ARHGAP36: variants seen among roughly 807,000 people sequenced by gnomAD.
ARHGAP36 encodes the protein rho GTPase-activating protein 36.
In ARHGAP36, 7 loss-of-function variants were observed where a neutral mutation model predicts 32.9. The observed-to-expected ratio is 0.21, with a 90% CI of 0.12 to 0.40. The LOEUF (loss-of-function observed/expected upper bound fraction) is 0.40, where lower values mean the gene tolerates loss of function less well. ARHGAP36 is among the 10% of genes least tolerant of loss of function. The pLI, the probability that ARHGAP36 is intolerant of heterozygous loss-of-function variation, is 1.00. For missense variants in ARHGAP36, 383 were observed against 442.2 expected (o/e 0.87, Z 1.20); for synonymous variants, 165 against 168.3 (o/e 0.98, Z 0.15).
chrX:131,084,962 C>G lies in ARHGAP36; in HGVS notation c.853C>G (p.Gln285Glu), dbSNP rs1279537251. The G allele has an allele frequency of 8.3e-7, 1 of 1,211,855 alleles. No homozygotes were observed. The highest frequency in any genetic ancestry group is 1.8e-5 in the South Asian group (1 of 56,972). ...TCTGGATGTAGTGCTGGATGACAATCAGAATGTGCATGATGTGGCTGCACT... is the reference window on the plus strand; with the variant it reads ...TCTGGATGTAGTGCTGGATGACAATGAGAATGTGCATGATGTGGCTGCACT... ...QGLDVVLDDN[Q>E]NVHDVAALLK... The change falls in exon 7 of 12, where the codon CAG (glutamine) becomes GAG (glutamate). Residue 285 changes from glutamine (Q) to glutamate (E), a missense_variant. Physicochemically the swap from Gln to Glu is conservative, Grantham distance 29. This residue lies in a region of ARHGAP36 where 227 missense variants were observed against 311.3 expected (regional missense o/e 0.73). Transcript: ENST00000276211.
chrX:131,060,444 A>C (rs2079662835), intron 1 of ARHGAP36, among the ~76,000 whole-genome samples: 1 of 111,986 alleles, frequency 8.9e-6, no homozygotes, highest in African/African-American at 3.2e-5. Context: ...CATGCACCAC[A>C]TACTTTCCAC....
At position 131,072,500 on chromosome X, in the gene ARHGAP36, C is replaced by A. The variant is rs150249698; in HGVS notation, c.-142-9024C>A. 7.8e-3 allele frequency among the ~76,000 whole-genome samples: 878 copies of A among 112,322 alleles called. 8 individuals are homozygous for A. Among genetic ancestry groups the A allele is most frequent in the African/African-American group, 0.026 (800 of 30,890 alleles). The stretch of plus-strand genomic sequence containing the variant: ...GCAGAAGGGAAGCAAAGTGCTGTGG[C>A]AAATTGTGTGCTGAGCTGGGATCCA... On this transcript the variant is annotated intron_variant, in intron 1 of 11. Transcript: ENST00000276211.
At chrX:131,078,720 G>A in intron 1 of ARHGAP36, 4 of 976,456 alleles carry the variant, frequency 4.1e-6, no homozygotes, top group Non-Finnish European at 5.3e-6. Flanking sequence ...CTTCTGTATT[G>A]TATGCTACTG....
At chrX:131,088,357 C>T (rs1184495467) in intron 11 of ARHGAP36, among the ~76,000 whole-genome samples, 1 of 112,129 alleles carries the variant, frequency 8.9e-6, no homozygotes, top group African/African-American at 3.2e-5. Flanking sequence ...GTGGTATTGT[C>T]CATTCCCTCT....
chrX:131,078,316 C>T, intron 1 of ARHGAP36, among the ~76,000 whole-genome samples: 1 of 112,029 alleles, frequency 8.9e-6, no homozygotes, highest in Non-Finnish European at 1.9e-5. Context: ...GCTAAGAAAT[C>T]TAGAGGCTGG....
chrX:131,058,696 C>G (rs1276855234), intron 1 of ARHGAP36, among the ~76,000 whole-genome samples: 1 of 113,458 alleles, frequency 8.8e-6, no homozygotes, highest in Non-Finnish European at 1.9e-5. Flanking sequence ...TGGGCGGAGT[C>G]GCTGGCTCAG....
At position 131,084,335 on chromosome X, in the gene ARHGAP36, A is replaced by T. The variant is rs1423062728; in HGVS notation, c.676A>T (p.Met226Leu). The change falls in exon 5 of 12, where the codon ATG (methionine) becomes TTG (leucine). Residue 226 changes from methionine (M) to leucine (L), a missense_variant. Met to Leu is a conservative substitution (Grantham distance 15). This residue lies in a region of ARHGAP36 where 227 missense variants were observed against 311.3 expected (regional missense o/e 0.73). Transcript: ENST00000276211. ...GQRLLGSKRK[M>L]SLNPIAKQIP... Reference sequence around the variant, plus strand: ...ACGACTTCTGGGATCCAAAAGGAAGATGAGTCTCAATCCGATTGCGAAACA... The same window carrying T: ...ACGACTTCTGGGATCCAAAAGGAAGTTGAGTCTCAATCCGATTGCGAAACA... The T allele has an allele frequency of 8.3e-7, 1 of 1,210,302 alleles. No individual in the cohort carries two copies. The highest frequency in any genetic ancestry group is 2.2e-5 in the Admixed American group (1 of 45,861).
intron 7 of ARHGAP36, 116 bp downstream of exon 7, chrX:131,085,180 T>G: frequency 1.3e-6 from 1 of 751,683 alleles, no homozygotes; most frequent in Non-Finnish European, 1.8e-6. Flanking sequence ...AAAATGACCA[T>G]AAGAAGATTT....
At chrX:131,084,138 C>T (rs2079821723) in intron 4 of ARHGAP36, 77 bp from the exon 5 acceptor site, 1 of 1,064,804 alleles carries the variant, frequency 9.4e-7, no homozygotes. Flanking sequence ...TCCTGAATGT[C>T]ATACATACAG....
At chrX:131,084,087 G>T in intron 4 of ARHGAP36, 118 bp downstream of exon 4, 1 of 1,036,107 alleles carries the variant, frequency 9.7e-7, no homozygotes, top group South Asian at 2.2e-5. Flanking sequence ...ACAATATGTT[G>T]AAGTGGTGTC....
chrX:131,072,985 T>C (rs2079740612), intron 1 of ARHGAP36: 1 of 111,659 alleles, frequency 9.0e-6, no homozygotes, highest in African/African-American at 3.3e-5. Flanking sequence ...AGCCTTTCCC[T>C]GGCCGGACCA....
chrX:131,075,623 A>ATGTGTGTGTGTG (rs5903808), intron 1 of ARHGAP36, among the ~76,000 whole-genome samples: 189 of 98,168 alleles, frequency 1.9e-3, no homozygotes, highest in African/African-American at 6.6e-3. Flanking sequence ...GTGTATATAT[A>ATGTGTGTGTGTG]TGTGTGTGTG....
At position 131,084,734 on chromosome X, in the gene ARHGAP36, A is replaced by T. The variant is rs1196330238; in HGVS notation, c.804+53A>T. On this transcript the variant is annotated intron_variant, in intron 6 of 11. Transcript: ENST00000276211. ...TCCTCCAATAAGAAAGAGCAGGAGG[A>T]GGTGGGGTTTCCCCATAGACCTGAC... 3 of 1,198,761 alleles carry T rather than the reference A, an allele frequency of 2.5e-6. No individual in the cohort carries two copies. The African/African-American group carries it at 5.3e-5, about 21-fold the overall frequency.
chrX:131,089,063 T>G lies in ARHGAP36; in HGVS notation c.*278T>G, dbSNP rs777329452. 4.6e-5 allele frequency: 11 copies of G among 236,720 alleles called. No homozygotes were observed. Among genetic ancestry groups the G allele is most frequent in the African/African-American group, 3.2e-4 (11 of 34,636 alleles). 19.5% of individuals were successfully genotyped at this position (236,720 alleles called of 1,213,427 possible). A position where few individuals can be genotyped will look rare whatever the true frequency, so the allele number is the denominator to read the frequency against. The stretch of plus-strand genomic sequence containing the variant: ...TCTCTTTTACCCCTGATCTTGGCTT[T>G]CTCTCTCTCTCTGCAGACTTTCCTT... On this transcript the variant is annotated 3_prime_UTR_variant, in exon 12 of 12. Transcript: ENST00000276211.
intron 1 of ARHGAP36, among the ~76,000 whole-genome samples, chrX:131,078,523 T>C (rs1330587648): frequency 9.0e-6 from 1 of 111,420 alleles, no homozygotes; most frequent in Non-Finnish European, 1.9e-5. Flanking sequence ...GCAAGAGAGG[T>C]CTCTTGGCAC....
chrX:131,086,765 TTGAGGAAGATGAGTCCTC>T (rs1157913212), intron 11 of ARHGAP36, 100 bp downstream of exon 11: 2 of 650,166 alleles, frequency 3.1e-6, no homozygotes, highest in Non-Finnish European at 2.4e-6. Flanking sequence ...GATGAGCCCC[TTGAGGAAGATGAGTCCTC>T]TGAGGAAGAT....
At position 131,085,733 on chromosome X, in the gene ARHGAP36, G is replaced by A. The variant is rs769714175; in HGVS notation, c.1101G>A (p.Gln367=). The A allele has an allele frequency of 3.3e-6, 4 of 1,211,117 alleles. No individual in the cohort carries two copies. Among genetic ancestry groups the A allele is most frequent in the Non-Finnish European group, 4.5e-6 (4 of 895,301 alleles). Residue 367 remains glutamine, a synonymous_variant, in exon 8 of 12, where the codon CAG becomes CAA. Coordinates refer to ENST00000276211, the MANE Select transcript of ARHGAP36 (RefSeq NM_144967.4). ...AGGACTCAATTGGCATTGATGGACA[G>A]TTGGTAAAAAGATCTTGGAAAGAGT... is the stretch of plus-strand genomic sequence containing the variant. The part of the protein sequence containing the change: ...NCEDSIGIDG[Q]LVPGNRMTST...
At chrX:131,058,495 C>T (rs937337447) in intron 1 of ARHGAP36, 51 bp downstream of exon 1, 2 of 981,450 alleles carry the variant, frequency 2.0e-6, no homozygotes, top group East Asian at 8.3e-5. Context: ...CCGGGGGCGG[C>T]CGGCGGCTGC....
At chrX:131,083,119 T>G in intron 2 of ARHGAP36, 46 bp from the exon 3 acceptor site, 1 of 1,150,968 alleles carries the variant, frequency 8.7e-7, no homozygotes, top group Admixed American at 2.2e-5. Flanking sequence ...AGTCACTTAT[T>G]AAGTCCTATT....
Sources: gnomAD v4.1 joint callset for allele counts (sites outside exome capture counted in the v4.1 genomes callset) on GRCh38, gnomAD v4.1.1 for gene constraint, gnomAD v4.1.1 regional missense constraint, MANE v1.5 for transcripts, NCBI Gene and HGNC (gene_info 2026-07-23, HGNC 2026-07-21) for gene names.